Variants in ADGB observed in about 807,000 individuals in gnomAD.
ADGB encodes the protein androglobin, also known as calpain-7-like protein.
In ADGB, 172 loss-of-function variants were observed where a neutral mutation model predicts 210.5. The ratio of observed to expected loss-of-function variants is 0.82; its 90% confidence interval spans 0.72 to 0.93. The LOEUF (loss-of-function observed/expected upper bound fraction) is 0.93. Ranked by LOEUF, ADGB falls within the 40% of genes least tolerant of loss-of-function variation. ADGB has a pLI of 0.00. For missense variants in ADGB, 2,025 were observed against 1,964.8 expected, an observed-to-expected ratio of 1.03 and a Z score of -0.58; for synonymous variants, 658 against 662.7, an observed-to-expected ratio of 0.99 and a Z score of 0.11.
intron 16 of ADGB, among the ~76,000 whole-genome samples, chr6:146,719,755 A>G (rs1311115652): frequency 1.3e-5 from 2 of 152,192 alleles, no homozygotes; most frequent in Admixed American, 6.5e-5. Flanking sequence ...TGAAAATGAC[A>G]GAAAATGAGC....
chr6:146,672,181 A>AG lies in ADGB; in HGVS notation c.840-39_840-38insG. ...TTGCGAAGTTCAAGGAAAAAAAAAA[A>AG]CATCGTTTGGAAATTAATGTTTTTG... On this transcript the variant is annotated intron_variant, in intron 7 of 35. Transcript: ENST00000397944. 2.1e-6 allele frequency: 3 copies of AG among 1,452,398 alleles called. No individual in the cohort carries two copies. The South Asian group carries it at 4.4e-5, about 21-fold the overall frequency. 90.0% of individuals were successfully genotyped at this position (1,452,398 alleles called of 1,614,324 possible).
chr6:146,683,617 C>G (rs983755325), intron 9 of ADGB, among the ~76,000 whole-genome samples: 1 of 151,986 alleles, frequency 6.6e-6, no homozygotes, highest in South Asian at 2.1e-4. Flanking sequence ...TTTTTGTCAT[C>G]AACATCATTT....
intron 1 of ADGB, among the ~76,000 whole-genome samples, chr6:146,603,579 C>T (rs1337898527): frequency 6.6e-6 from 1 of 152,072 alleles, no homozygotes; most frequent in African/African-American, 2.4e-5. Context: ...CTAACAGGAA[C>T]CATATAGCCT....
In ADGB at chr6:146,784,838, T is replaced by C. The variant is rs766237300; in HGVS notation, c.4212+44T>C. ...GCTGTCATCTTTTACTTTTCCTCCT[T>C]AGGCATGCTCTGAAAAAAATAGTCA... On this transcript the variant is annotated intron_variant, in intron 31 of 35. Coordinates refer to ENST00000397944, the MANE Select transcript of ADGB (RefSeq NM_024694.4). The C allele has an allele frequency of 2.0e-6, 3 of 1,514,356 alleles. No homozygotes were observed. In the South Asian group the frequency reaches 3.9e-5, roughly 19 times the overall value. 93.8% of individuals were successfully genotyped at this position (1,514,356 alleles called of 1,614,324 possible).
At chr6:146,686,707 C>T (rs1394005544) in intron 10 of ADGB, among the ~76,000 whole-genome samples, 3 of 152,018 alleles carry the variant, frequency 2.0e-5, no homozygotes, top group Non-Finnish European at 2.9e-5. Context: ...AAACAAATGC[C>T]CTACTGCTTT....
chr6:146,681,913 T>C (rs1422604796), intron 9 of ADGB, among the ~76,000 whole-genome samples: 1 of 152,108 alleles, frequency 6.6e-6, no homozygotes, highest in Admixed American at 6.6e-5. Context: ...CTTAATTGTG[T>C]AGTGGACATG....
rs1366577618 is a variant in ADGB, at chr6:146,769,119, A to C, written c.3850A>C (p.Ser1284Arg). Residue 1284 changes from serine to arginine, a missense_variant, in exon 29 of 36, where the codon AGT (serine) becomes CGT (arginine). Ser to Arg is a moderately radical substitution (Grantham distance 110). Transcript: ENST00000397944. Reference sequence around the variant, plus strand: ...TCAAGCACTGAAAGACTTAAAGAAAAGTAATACCAAAGGTATGTCACCCTA... The same window carrying C: ...TCAAGCACTGAAAGACTTAAAGAAACGTAATACCAAAGGTATGTCACCCTA... Reference protein sequence around the residue: ...FVQALKDLKKSNTKAYGERHE... With the variant: ...FVQALKDLKKRNTKAYGERHE... 6.6e-7 allele frequency: 1 copy of C among 1,516,236 alleles called. No individual in the cohort carries two copies. Among genetic ancestry groups the C allele is most frequent in the Non-Finnish European group, 8.9e-7 (1 of 1,121,298 alleles). The allele number at this position is 1,516,236 out of a possible 1,614,324, so 93.9% of individuals were successfully genotyped here.
intron 7 of ADGB, among the ~76,000 whole-genome samples, chr6:146,668,310 C>G (rs1333263770): frequency 6.6e-6 from 1 of 151,998 alleles, no homozygotes; most frequent in Admixed American, 6.6e-5. Context: ...CTGCAATTCC[C>G]CAGGGGCAAT....
At chr6:146,729,170 T>C (rs1776942858) in intron 20 of ADGB, among the ~76,000 whole-genome samples, 7 of 152,160 alleles carry the variant, frequency 4.6e-5, no homozygotes, top group Admixed American at 3.9e-4. Context: ...ACAGGCAGCC[T>C]TGAGGGGGTG....
intron 33 of ADGB, among the ~76,000 whole-genome samples, chr6:146,796,646 T>C (rs1562303516): frequency 6.6e-6 from 1 of 152,142 alleles, no homozygotes; most frequent in Non-Finnish European, 1.5e-5. Context: ...GGTGCTGGGA[T>C]AATTGGCAAG....
intron 29 of ADGB, chr6:146,770,742 A>T (rs926971573): frequency 1.6e-5 from 6 of 369,324 alleles, no homozygotes; most frequent in African/African-American, 1.3e-4. Flanking sequence ...AAGTGGTAGC[A>T]CTGGGGCCAC....
Position 146,710,278 on chromosome 6 carries a change from A to G in ADGB, c.1708-5104A>G, listed in dbSNP as rs577100137. ...GTTTTACTTTTATAAAATCCAATTAATTGGGAACTGATTTTTGTGTATGAT... is the reference window on the plus strand; with the variant it reads ...GTTTTACTTTTATAAAATCCAATTAGTTGGGAACTGATTTTTGTGTATGAT... On this transcript the variant is annotated intron_variant, in intron 13 of 35. Coordinates refer to ENST00000397944, the MANE Select transcript of ADGB (RefSeq NM_024694.4). 4.1e-3 allele frequency among the ~76,000 whole-genome samples: 619 copies of G among 151,184 alleles called. 2 individuals are homozygous for G. The highest frequency in any genetic ancestry group is 0.014 in the African/African-American group (595 of 41,098).
chr6:146,752,085 G>A (rs2114611947), intron 26 of ADGB, among the ~76,000 whole-genome samples: 1 of 152,170 alleles, frequency 6.6e-6, no homozygotes, highest in Admixed American at 6.6e-5. Context: ...ACCTGAGACT[G>A]GGTAATTTCT....
At chr6:146,784,889 C>A (rs1246667099) in intron 31 of ADGB, 95 bp downstream of exon 31, 3 of 1,242,652 alleles carry the variant, frequency 2.4e-6, no homozygotes, top group Non-Finnish European at 2.2e-6. Context: ...TATAGCCTGT[C>A]CTTTAGTAAT....
Position 146,724,343 on chromosome 6 carries a change from A to T in ADGB, c.2237+16A>T, listed in dbSNP as rs1776864087. The T allele has an allele frequency of 3.4e-6, 5 of 1,492,422 alleles. No individual in the cohort carries two copies. The South Asian group carries it at 5.3e-5, about 16-fold the overall frequency. The allele number at this position is 1,492,422 out of a possible 1,614,324, so 92.4% of individuals were successfully genotyped here. On this transcript the variant is annotated intron_variant, in intron 18 of 35. Coordinates refer to ENST00000397944, the MANE Select transcript of ADGB (RefSeq NM_024694.4). ...TGCCTGTTGGGTATGAAGTGGCTTC[A>T]TTTTTCCCATAATAAAAATTGTTTG... is the stretch of plus-strand genomic sequence containing the variant.
intron 33 of ADGB, among the ~76,000 whole-genome samples, chr6:146,796,509 G>A (rs1778045058): frequency 1.3e-5 from 2 of 151,992 alleles, no homozygotes; most frequent in Admixed American, 1.3e-4. Flanking sequence ...GTACTTTCAT[G>A]GAAACAGACA....
intron 33 of ADGB, among the ~76,000 whole-genome samples, chr6:146,799,527 T>TG (rs1222373471): frequency 6.4e-5 from 5 of 78,452 alleles, no homozygotes; most frequent in Non-Finnish European, 9.5e-5. Flanking sequence ...AGCAAGACTC[T>TG]GGGGGGAGAA....
At chr6:146,740,805 A>C (rs1011025440) in intron 24 of ADGB, among the ~76,000 whole-genome samples, 2 of 151,966 alleles carry the variant, frequency 1.3e-5, no homozygotes, top group Admixed American at 6.6e-5. Context: ...TAATTATTAG[A>C]AGCTTTTATG....
At chr6:146,661,596 A>C (rs574353544) in intron 5 of ADGB, among the ~76,000 whole-genome samples, 3 of 152,274 alleles carry the variant, frequency 2.0e-5, no homozygotes, top group African/African-American at 4.8e-5. Context: ...ATTCAAACAC[A>C]ATATAAAAAA....
Sources: gnomAD v4.1 joint callset for allele counts (sites outside exome capture counted in the v4.1 genomes callset) on GRCh38, gnomAD v4.1.1 for gene constraint, MANE v1.5 for transcripts, NCBI Gene and HGNC (gene_info 2026-07-23, HGNC 2026-07-21) for gene names.